The following LAMA3 variants were observed in gnomAD, a reference collection of about 807,000 sequenced individuals.
The protein encoded by LAMA3 is laminin subunit alpha 3.
In LAMA3, 281 loss-of-function variants were observed where a neutral mutation model predicts 402.0. The ratio of observed to expected loss-of-function variants is 0.70; its 90% confidence interval spans 0.63 to 0.77. The LOEUF (loss-of-function observed/expected upper bound fraction) is 0.77. Among genes scored for constraint, LAMA3 ranks in the 30% least tolerant of loss-of-function variants. LAMA3 has a pLI of 0.00. For synonymous variants in LAMA3, 1,431 were observed against 1,558.4 expected, an observed-to-expected ratio of 0.92 and a Z score of 1.93; for missense variants, 3,840 against 4,215.5, an observed-to-expected ratio of 0.91 and a Z score of 2.47.
intron 6 of LAMA3, among the ~76,000 whole-genome samples, chr18:23,756,988 A>C (rs1428630697): frequency 7.6e-6 from 1 of 132,442 alleles, no homozygotes; most frequent in African/African-American, 2.8e-5. Context: ...CTGAAGCACC[A>C]GGGTGAATTC....
chr18:23,861,872 T>G, intron 35 of LAMA3, 65 bp downstream of exon 35: 2 of 1,496,704 alleles, frequency 1.3e-6, no homozygotes, highest in South Asian at 1.2e-5. Context: ...ATGAGCATCA[T>G]TTCCTGGAAA....
chr18:23,752,013 G>A (rs567253675), intron 5 of LAMA3, among the ~76,000 whole-genome samples: 19 of 152,308 alleles, frequency 1.2e-4, no homozygotes, highest in African/African-American at 4.6e-4. Flanking sequence ...ACCTTATAGA[G>A]TTTGGCTTTT....
intron 73 of LAMA3, 60 bp from the exon 74 acceptor site, chr18:23,952,916 AAACAAAGTCAATGG>A: frequency 6.2e-7 from 1 of 1,606,332 alleles, no homozygotes; most frequent in Non-Finnish European, 8.5e-7. Flanking sequence ...GAAGGAGTTA[AAACAAAGTCAATGG>A]TGTAGACATT....
At chr18:23,856,369 A>G (rs1330232444) in intron 32 of LAMA3, among the ~76,000 whole-genome samples, 1 of 152,240 alleles carries the variant, frequency 6.6e-6, no homozygotes, top group African/African-American at 2.4e-5. Context: ...TACATTTGGT[A>G]GTAATTGAAC....
intron 55 of LAMA3, among the ~76,000 whole-genome samples, chr18:23,910,583 G>A (rs544585804): frequency 4.6e-5 from 7 of 152,194 alleles, no homozygotes; most frequent in Non-Finnish European, 1.0e-4. Flanking sequence ...ATAGAGGTGT[G>A]TTATGTGTAT....
At chr18:23,691,899 G>A (rs1893991231) in intron 1 of LAMA3, among the ~76,000 whole-genome samples, 1 of 152,044 alleles carries the variant, frequency 6.6e-6, no homozygotes, top group Non-Finnish European at 1.5e-5. Context: ...TGATTTTAGT[G>A]GTTGTTATAG....
intron 67 of LAMA3, among the ~76,000 whole-genome samples, chr18:23,934,456 G>C (rs913269256): frequency 2.6e-5 from 4 of 152,184 alleles, no homozygotes; most frequent in African/African-American, 9.7e-5. Flanking sequence ...AAGCTCCCCA[G>C]GTGATTCTGA....
chr18:23,705,932 T>C (rs534619516), intron 1 of LAMA3, among the ~76,000 whole-genome samples: 3 of 152,352 alleles, frequency 2.0e-5, no homozygotes, highest in South Asian at 4.1e-4. Context: ...CCATTCCCTC[T>C]GTCTCTTACA....
At chr18:23,708,784 T>A (rs1007821588) in intron 1 of LAMA3, among the ~76,000 whole-genome samples, 3 of 152,016 alleles carry the variant, frequency 2.0e-5, no homozygotes, top group African/African-American at 7.2e-5. Flanking sequence ...AGAGTCAAGT[T>A]CTCACCCTGT....
rs1290575341 is a variant in LAMA3 at position 23,740,398 on chromosome 18, T to TGTCTTACC, written c.448-7544_448-7537dup. Among the ~76,000 whole-genome samples, 6 of 152,140 alleles carry TGTCTTACC rather than the reference T, an allele frequency of 3.9e-5. No individual in the cohort carries two copies. In the East Asian group the frequency reaches 1.2e-3, roughly 29 times the overall value. ...GTGTCATGCCTAACAACTTCCCCTT[T>TGTCTTACC]GTCTTACCATTTTTTTTTTTCCTGA... On this transcript the variant is annotated intron_variant, in intron 2 of 74. Coordinates refer to ENST00000313654, the MANE Select transcript of LAMA3 (RefSeq NM_198129.4).
intron 30 of LAMA3, 68 bp from the exon 31 acceptor site, chr18:23,846,225 TAAAG>T: frequency 6.9e-7 from 1 of 1,454,128 alleles, no homozygotes; most frequent in East Asian, 2.3e-5. Context: ...GAGCAGGTGG[TAAAG>T]GCAAGGTTGA....
intron 2 of LAMA3, among the ~76,000 whole-genome samples, chr18:23,725,074 C>G (rs955938552): frequency 1.3e-5 from 2 of 152,034 alleles, no homozygotes; most frequent in Admixed American, 1.3e-4. Flanking sequence ...AGAACCAAAC[C>G]AAACCACCTT....
At chr18:23,908,628 TG>T (rs1172370235) in intron 54 of LAMA3, among the ~76,000 whole-genome samples, 3 of 151,866 alleles carry the variant, frequency 2.0e-5, no homozygotes, top group African/African-American at 7.3e-5. Flanking sequence ...GTAAAGGATT[TG>T]GTACCTAGAT....
In LAMA3 at chr18:23,847,526, A is replaced by G. The variant is rs780954582; in HGVS notation, c.3994A>G (p.Thr1332Ala). Residue 1332 changes from threonine (T) to alanine (A), a missense_variant, in exon 32 of 75, where the codon ACG (threonine) becomes GCG (alanine). Physicochemically the swap from Thr to Ala is moderately conservative, Grantham distance 58. Coordinates refer to ENST00000313654, the MANE Select transcript of LAMA3 (RefSeq NM_198129.4). ...GGGGCAGTGCCGCTGCCCTCCCCGCACGGTCAGGCCCCAGTGTGAGGTGTG... is the reference window on the plus strand; with the variant it reads ...GGGGCAGTGCCGCTGCCCTCCCCGCGCGGTCAGGCCCCAGTGTGAGGTGTG... Reference protein sequence around the residue: ...MTGQCRCPPRTVRPQCEVCET... With the variant: ...MTGQCRCPPRAVRPQCEVCET... 2.6e-5 allele frequency: 42 copies of G among 1,613,830 alleles called. No homozygotes were observed. In the East Asian group the frequency reaches 9.4e-4, roughly 36 times the overall value.
chr18:23,748,040 C>T lies in LAMA3; in HGVS notation c.545C>T (p.Ser182Leu), dbSNP rs922313361. The part of the protein sequence containing the change: ...ERSVDFGSTY[S>L]PWQYFAHSKV... ...TCTGTAGACTTTGGAAGCACCTACT[C>T]ACCATGGCAATATTTTGCTCGTAAG... Residue 182 changes from serine (S) to leucine (L), a missense_variant, in exon 3 of 75, where the codon TCA becomes TTA. Coordinates refer to ENST00000313654, the MANE Select transcript of LAMA3 (RefSeq NM_198129.4). The T allele has an allele frequency of 1.9e-6, 3 of 1,606,500 alleles. No individual in the cohort carries two copies. In the Admixed American group the frequency reaches 5.0e-5, roughly 27 times the overall value.
In LAMA3 at chr18:23,775,943, C is replaced by T. The variant is rs1018551252; in HGVS notation, c.1405+20C>T. On this transcript the variant is annotated intron_variant, in intron 10 of 74. Transcript: ENST00000313654. Reference sequence around the variant, plus strand: ...GCTTGAGTAAGTACCCACTGCAGAACAAGAGGCCACCCTTTTTGGTCCATA... The same window carrying T: ...GCTTGAGTAAGTACCCACTGCAGAATAAGAGGCCACCCTTTTTGGTCCATA... The T allele has an allele frequency of 1.9e-6, 3 of 1,614,034 alleles. No individual in the cohort carries two copies. The highest frequency in any genetic ancestry group is 2.5e-6 in the Non-Finnish European group (3 of 1,179,962).
chr18:23,858,034 G>A, intron 33 of LAMA3, 46 bp downstream of exon 33: 1 of 1,612,688 alleles, frequency 6.2e-7, no homozygotes, highest in South Asian at 1.1e-5. Flanking sequence ...CGGTCAGCAG[G>A]AAAGTGCTTC....
chr18:23,763,550 A>T (rs2143748522), intron 8 of LAMA3, 27 bp downstream of exon 8: 2 of 1,276,598 alleles, frequency 1.6e-6, no homozygotes, highest in African/African-American at 1.5e-5. Flanking sequence ...ATCAAAGTGG[A>T]TGTGTTGTCA....
intron 2 of LAMA3, among the ~76,000 whole-genome samples, chr18:23,735,476 CTT>C (rs1035914796): frequency 1.5e-4 from 23 of 152,152 alleles, no homozygotes; most frequent in Non-Finnish European, 2.6e-4. Context: ...GTGCCTGTCT[CTT>C]GTTTTATTTC....
Sources: allele counts gnomAD v4.1 joint callset (sites outside exome capture counted in the v4.1 genomes callset), GRCh38; gene constraint gnomAD v4.1.1; transcripts MANE v1.5; gene names NCBI Gene and HGNC (gene_info 2026-07-23, HGNC 2026-07-21).